AMPD3: variants seen among roughly 807,000 people sequenced by gnomAD.
The protein encoded by AMPD3 is AMP deaminase 3.
A neutral mutation model predicts 82.3 loss-of-function variants in AMPD3; 57 were observed. The ratio of observed to expected loss-of-function variants is 0.69; its 90% confidence interval spans 0.56 to 0.86. AMPD3 has a LOEUF of 0.86. AMPD3 is among the 40% of genes least tolerant of loss of function. AMPD3 has a pLI of 0.00. For synonymous variants in AMPD3, 381 were observed against 394.7 expected, an observed-to-expected ratio of 0.97 and a Z score of 0.41; for missense variants, 870 against 1,003.8, an observed-to-expected ratio of 0.87 and a Z score of 1.80.
chr11:10,492,840 G>A (rs1849276411), intron 6 of AMPD3, among the ~76,000 whole-genome samples: 1 of 152,162 alleles, frequency 6.6e-6, no homozygotes, highest in Non-Finnish European at 1.5e-5. Flanking sequence ...GGAGGTTGTG[G>A]GAAATTTCTA....
chr11:10,451,180 C>A, upstream of AMPD3: 4 of 1,472,502 alleles, frequency 2.7e-6, no homozygotes, highest in South Asian at 2.6e-5. Flanking sequence ...GGCGCTGACT[C>A]CGGTCCGATC....
Position 10,461,506 on chromosome 11 carries a change from C to T in AMPD3, c.-5-9C>T. ...ATCCTGCAATTCATGCTTGTTCTTTCTTTGCTAGCTGAGATGCCGCGGCAG... is the reference window on the plus strand; with the variant it reads ...ATCCTGCAATTCATGCTTGTTCTTTTTTTGCTAGCTGAGATGCCGCGGCAG... On this transcript the variant is annotated splice_polypyrimidine_tract_variant and intron_variant, in intron 1 of 14. Coordinates refer to ENST00000396553, the MANE Select transcript of AMPD3 (RefSeq NM_001025389.2). The T allele has an allele frequency of 6.2e-7, 1 of 1,614,164 alleles. No individual in the cohort carries two copies.
chr11:10,475,408 C>G (rs1413282956), intron 2 of AMPD3, among the ~76,000 whole-genome samples: 1 of 152,126 alleles, frequency 6.6e-6, no homozygotes, highest in Non-Finnish European at 1.5e-5. Context: ...TGGATGCAAA[C>G]CATGTCGCAC....
In AMPD3 at chr11:10,506,969, C is replaced by G. The variant is rs1453802283; in HGVS notation, c.*1085C>G. On this transcript the variant is annotated 3_prime_UTR_variant, in exon 15 of 15. Coordinates refer to ENST00000396553, the MANE Select transcript of AMPD3 (RefSeq NM_001025389.2). The surrounding 1 kb of genome is among the most constrained non-coding windows in gnomAD (Gnocchi z 4.1). ...TTTTAAGGCAAAATTTCTCCCTTATCTACTATGATGACTTCAGAAGATACA... is the reference window on the plus strand; with the variant it reads ...TTTTAAGGCAAAATTTCTCCCTTATGTACTATGATGACTTCAGAAGATACA... 6.6e-6 allele frequency: 1 copy of G among 152,306 alleles called. No individual in the cohort carries two copies. The highest frequency in any genetic ancestry group is 2.4e-5 in the African/African-American group (1 of 41,342). The allele number at this position is 152,306 out of a possible 1,614,324, so 9.4% of individuals were successfully genotyped here. A position where few individuals can be genotyped will look rare whatever the true frequency, so the allele number is the denominator to read the frequency against.
In AMPD3 at chr11:10,495,099, G is replaced by T; in HGVS notation, c.1266+69G>T. On this transcript the variant is annotated intron_variant, in intron 8 of 14. Coordinates refer to ENST00000396553, the MANE Select transcript of AMPD3 (RefSeq NM_001025389.2). ...CAACATCTGCCTTCAGAGAGTGGGGGCCCTGTGTGCCCCTGGCCCCTTCCC... is the reference window on the plus strand; with the variant it reads ...CAACATCTGCCTTCAGAGAGTGGGGTCCCTGTGTGCCCCTGGCCCCTTCCC... 4 of 1,612,750 alleles carry T rather than the reference G, an allele frequency of 2.5e-6. No homozygotes were observed. The South Asian group carries it at 4.4e-5, about 18-fold the overall frequency.
chr11:10,489,037 T>C (rs1348369523), intron 6 of AMPD3, among the ~76,000 whole-genome samples: 3 of 152,214 alleles, frequency 2.0e-5, no homozygotes, highest in African/African-American at 7.2e-5. Context: ...CTTCAGCTCA[T>C]GTGCCCTGAG....
At chr11:10,473,580 A>G in intron 2 of AMPD3, 1 of 985,376 alleles carries the variant, frequency 1.0e-6, no homozygotes, top group East Asian at 1.1e-4. Context: ...AATCAAAGTT[A>G]CACCCACCTG....
At chr11:10,464,886 CAAATT>C (rs1848375368) in intron 2 of AMPD3, among the ~76,000 whole-genome samples, 2 of 152,134 alleles carry the variant, frequency 1.3e-5, no homozygotes, top group Non-Finnish European at 2.9e-5. Flanking sequence ...TTTAAAGAAG[CAAATT>C]AGAAGCAGGG....
chr11:10,501,178 C>T (rs190796838), intron 11 of AMPD3: 26 of 985,210 alleles, frequency 2.6e-5, no homozygotes, highest in African/African-American at 5.2e-5. Flanking sequence ...TCTACGAATG[C>T]GGGACACAAG....
chr11:10,487,308 T>TCCGA lies in AMPD3; in HGVS notation c.884_887dup (p.Glu296AspfsTer9). 6.2e-7 allele frequency: 1 copy of TCCGA among 1,614,176 alleles called. No individual in the cohort carries two copies. Among genetic ancestry groups the TCCGA allele is most frequent in the Non-Finnish European group, 8.5e-7 (1 of 1,180,022 alleles). Reference sequence around the variant, plus strand: ...CCTTCATGAGATGTTAAACGAAATGTCCGAGTTCAAAGAGTTGAAGAGTAA... The same window carrying TCCGA: ...CCTTCATGAGATGTTAAACGAAATGTCCGACCGAGTTCAAAGAGTTGAAGAGTAA... On this transcript the variant is annotated frameshift_variant, in exon 6 of 15. Coordinates refer to ENST00000396553, the MANE Select transcript of AMPD3 (RefSeq NM_001025389.2). LOFTEE classifies it high-confidence loss of function.
chr11:10,485,844 G>T (rs1849052415), intron 5 of AMPD3, among the ~76,000 whole-genome samples: 1 of 151,898 alleles, frequency 6.6e-6, no homozygotes, highest in Admixed American at 6.6e-5. Flanking sequence ...TTCTGAATTT[G>T]GCCCCTCACT....
In AMPD3 at chr11:10,458,002, G is replaced by A. The variant is rs80029417; in HGVS notation, c.-6+2554G>A. On this transcript the variant is annotated intron_variant, in intron 1 of 14. Coordinates refer to ENST00000396553, the MANE Select transcript of AMPD3 (RefSeq NM_001025389.2). ...CCCACCCAAATACCCATTGCCAAGGGAGCCTGGTTGGGGGTGTCTGGGTCA... is the reference window on the plus strand; with the variant it reads ...CCCACCCAAATACCCATTGCCAAGGAAGCCTGGTTGGGGGTGTCTGGGTCA... Among the ~76,000 whole-genome samples the A allele has an allele frequency of 9.3e-3, 1,420 of 152,226 alleles. 23 individuals carry two copies. Among genetic ancestry groups the A allele is most frequent in the African/African-American group, 0.033 (1,351 of 41,516 alleles).
chr11:10,490,526 A>G, intron 6 of AMPD3: 2 of 985,408 alleles, frequency 2.0e-6, no homozygotes, highest in Non-Finnish European at 2.4e-6. Flanking sequence ...TCTTAGGTGA[A>G]CACGGGGAAT....
At chr11:10,455,808 C>T in intron 1 of AMPD3, 1 of 691,850 alleles carries the variant, frequency 1.4e-6, no homozygotes, top group African/African-American at 1.9e-5. Flanking sequence ...ATGGGGTGCC[C>T]TTGGGAGGGC....
At chr11:10,478,811 C>G (rs897855725) in intron 3 of AMPD3, 81 bp downstream of exon 3, 1 of 1,438,690 alleles carries the variant, frequency 7.0e-7, no homozygotes, top group East Asian at 2.3e-5. Context: ...GTGCCTCCCT[C>G]TGGAGCCTGG....
intron 13 of AMPD3, among the ~76,000 whole-genome samples, chr11:10,503,479 C>A (rs1186418573): frequency 3.3e-5 from 5 of 152,138 alleles, no homozygotes; most frequent in Admixed American, 2.6e-4. Context: ...GCACCAGAGT[C>A]TTTTAGGACA....
chr11:10,484,562 A>G (rs190434725), intron 4 of AMPD3: 2 of 938,762 alleles, frequency 2.1e-6, no homozygotes, highest in African/African-American at 3.6e-5. Context: ...AGTGAACAGC[A>G]CAAATTAAAG....
At chr11:10,450,522 C>T, upstream of AMPD3, 1 of 986,124 alleles carries the variant, frequency 1.0e-6, no homozygotes, top group Non-Finnish European at 1.2e-6. Context: ...TCGGGCAAGC[C>T]CGGGCGGCAC....
In AMPD3 at chr11:10,505,395, T is replaced by A. The variant is rs1202834145; in HGVS notation, c.2128-313T>A. The A allele has an allele frequency of 6.7e-6, 6 of 892,010 alleles. No individual in the cohort carries two copies. In the African/African-American group the frequency reaches 9.6e-5, roughly 14 times the overall value. The allele number at this position is 892,010 out of a possible 1,614,324, so 55.3% of individuals were successfully genotyped here. On this transcript the variant is annotated intron_variant, in intron 14 of 14. Transcript: ENST00000396553. ...GCTCTCAGGGGCTTCTTAATTAGAG[T>A]CTTACCTCCTTCCCCTTTGCCTTTC...
Sources: allele counts gnomAD v4.1 joint callset (sites outside exome capture counted in the v4.1 genomes callset), GRCh38; gene constraint gnomAD v4.1.1; non-coding constraint Gnocchi (gnomAD v3.1); transcripts MANE v1.5; gene names NCBI Gene and HGNC (gene_info 2026-07-23, HGNC 2026-07-21).